Variants in XRCC5 observed in about 807,000 individuals in gnomAD.
XRCC5 encodes DNA repair protein Ku80.
XRCC5 carries 12 observed loss-of-function variants against 95.7 expected under a neutral mutation model. The observed-to-expected ratio is 0.13, with a 90% CI of 0.08 to 0.20. XRCC5 has a LOEUF of 0.20. Ranked by LOEUF, XRCC5 falls within the 10% of genes least tolerant of loss-of-function variation. The probability of loss-of-function intolerance (pLI) is 1.00; values close to 1 mark genes in which losing one functional copy is unlikely to be tolerated. For synonymous variants in XRCC5, 281 were observed against 290.3 expected (o/e 0.97, Z 0.33); for missense variants, 595 against 873.9 (o/e 0.68, Z 4.02).
At chr2:216,119,007 A>C (rs1429086801) in intron 4 of XRCC5, 36 bp from the exon 5 acceptor site, 6 of 1,602,238 alleles carry the variant, frequency 3.7e-6, no homozygotes, top group Non-Finnish European at 5.1e-6. Context: ...ATAATTCAGG[A>C]GAATGATTTC....
In XRCC5 at chr2:216,205,395, C is replaced by G. The variant is rs1689925547; in HGVS notation, c.*193C>G. The G allele has an allele frequency of 1.6e-6, 1 of 608,690 alleles. No individual in the cohort carries two copies. Among genetic ancestry groups the G allele is most frequent in the East Asian group, 2.7e-5 (1 of 36,478 alleles). 37.7% of individuals were successfully genotyped at this position (608,690 alleles called of 1,614,324 possible). ...ATATATTACAAGGGATAATTTAGAC[C>G]CCATACAAGTTTATAAAGAGTCATT... On this transcript the variant is annotated 3_prime_UTR_variant, in exon 21 of 21. Coordinates refer to ENST00000392132, the MANE Select transcript of XRCC5 (RefSeq NM_021141.4).
At chr2:216,174,166 T>A (rs935232712) in intron 16 of XRCC5, among the ~76,000 whole-genome samples, 4 of 152,212 alleles carry the variant, frequency 2.6e-5, no homozygotes, top group African/African-American at 9.6e-5. Context: ...TTTTGTTTTG[T>A]TTTTTGAATT....
chr2:216,109,575 G>C (rs1260810128), intron 1 of XRCC5, 118 bp downstream of exon 1: 2 of 1,456,636 alleles, frequency 1.4e-6, no homozygotes, highest in South Asian at 1.2e-5. Context: ...AGAAGATCAT[G>C]GTGGTGGGCT....
At chr2:216,188,858 A>G (rs1689558797) in intron 16 of XRCC5, among the ~76,000 whole-genome samples, 1 of 152,236 alleles carries the variant, frequency 6.6e-6, no homozygotes, top group Non-Finnish European at 1.5e-5. Context: ...ATACGTTGGT[A>G]AAGATTTTTG....
intron 2 of XRCC5, among the ~76,000 whole-genome samples, chr2:216,115,586 A>G (rs1304744224): frequency 2.0e-5 from 3 of 152,228 alleles, no homozygotes; most frequent in East Asian, 1.9e-4. Flanking sequence ...ACAAAAATGA[A>G]GAATGACAGA....
intron 13 of XRCC5, among the ~76,000 whole-genome samples, chr2:216,145,476 T>C (rs1688611057): frequency 6.6e-6 from 1 of 152,216 alleles, no homozygotes; most frequent in African/African-American, 2.4e-5. Context: ...TCTAATCTTT[T>C]TCAAATTGTA....
intron 13 of XRCC5, among the ~76,000 whole-genome samples, chr2:216,145,297 ATAAT>A (rs1031806463): frequency 9.2e-5 from 14 of 152,218 alleles, no homozygotes; most frequent in Non-Finnish European, 4.4e-5. Flanking sequence ...AGAGAGATTA[ATAAT>A]TAATTTGTTA....
intron 13 of XRCC5, 135 bp downstream of exon 13, chr2:216,141,454 A>ATTCTTCCAT: frequency 4.1e-6 from 3 of 731,208 alleles, no homozygotes; most frequent in Non-Finnish European, 4.1e-6. Flanking sequence ...TAATGGAAGA[A>ATTCTTCCAT]TAACATCTTC....
intron 16 of XRCC5, among the ~76,000 whole-genome samples, chr2:216,168,316 G>A (rs554016652): frequency 1.3e-5 from 2 of 152,198 alleles, no homozygotes; most frequent in South Asian, 4.2e-4. Flanking sequence ...TACTGGTTGT[G>A]TATATTTCAT....
Position 216,187,861 on chromosome 2 carries a change from T to TCTCTCTCTCTC in XRCC5, c.1835-2363_1835-2362insTCTCTCTCTCC, listed in dbSNP as rs143232624. Among the ~76,000 whole-genome samples, 28 of 116,286 alleles carry TCTCTCTCTCTC rather than the reference T, an allele frequency of 2.4e-4. 1 individual carries two copies. Among genetic ancestry groups the TCTCTCTCTCTC allele is most frequent in the African/African-American group, 1.1e-3 (27 of 23,916 alleles). The allele number at this position is 116,286 out of a possible 152,430, so 76.3% of individuals were successfully genotyped here. A position where few individuals can be genotyped will look rare whatever the true frequency, so the allele number is the denominator to read the frequency against. ...CTCTCTCTCTCTCTCTCTCTCTCTCTCCCCGTCTCCCTGTCTCTCCCTCTC... is the reference window on the plus strand; with the variant it reads ...CTCTCTCTCTCTCTCTCTCTCTCTCTCTCTCTCTCTCCCCCGTCTCCCTGTCTCTCCCTCTC... On this transcript the variant is annotated intron_variant, in intron 16 of 20. Transcript: ENST00000392132.
intron 3 of XRCC5, chr2:216,117,459 G>A: frequency 2.6e-6 from 1 of 382,700 alleles, no homozygotes; most frequent in South Asian, 5.3e-5. Flanking sequence ...CACCAAGAAT[G>A]GGTTCTAGAT....
chr2:216,132,832 G>T (rs1697016659), intron 10 of XRCC5, among the ~76,000 whole-genome samples: 1 of 152,064 alleles, frequency 6.6e-6, no homozygotes, highest in African/African-American at 2.4e-5. Flanking sequence ...TTTTTCTCTA[G>T]CTAACAGCCT....
chr2:216,138,320 A>G (rs1697122033), intron 12 of XRCC5, 141 bp downstream of exon 12: 2 of 726,038 alleles, frequency 2.8e-6, no homozygotes, highest in Non-Finnish European at 4.6e-6. Context: ...AGACACAGTA[A>G]TGATGAAGGT....
intron 19 of XRCC5, among the ~76,000 whole-genome samples, chr2:216,201,561 G>A (rs140173174): frequency 3.0e-4 from 45 of 152,318 alleles, no homozygotes; most frequent in African/African-American, 9.6e-4. Context: ...CAGGTAAGGA[G>A]GCACTTTTAT....
chr2:216,113,242 G>T (rs1331381303), intron 2 of XRCC5, 113 bp downstream of exon 2: 1 of 806,516 alleles, frequency 1.2e-6, no homozygotes, highest in East Asian at 2.7e-5. Flanking sequence ...CTGTTTGGGG[G>T]GATTCTGGGG....
chr2:216,112,846 C>T (rs1250527886), intron 1 of XRCC5, among the ~76,000 whole-genome samples, 170 bp from the exon 2 acceptor site: 1 of 152,186 alleles, frequency 6.6e-6, no homozygotes, highest in Non-Finnish European at 1.5e-5. Flanking sequence ...TAAGGGTTTT[C>T]CATAGTGAAA....
chr2:216,199,810 CTTTT>C (rs375975027), intron 19 of XRCC5, among the ~76,000 whole-genome samples: 19 of 120,248 alleles, frequency 1.6e-4, no homozygotes, highest in African/African-American at 5.6e-4. Flanking sequence ...GCATTGGGAT[CTTTT>C]TTTTTTTTTT....
chr2:216,176,127 C>CT (rs202152493), intron 16 of XRCC5: 2,553 of 169,436 alleles, frequency 0.015, 26 homozygotes, highest in Non-Finnish European at 0.023. Context: ...CAATTTTTTT[C>CT]TTTTTTTTGG....
chr2:216,155,807 T>G (rs1688831194), intron 14 of XRCC5, among the ~76,000 whole-genome samples: 1 of 152,158 alleles, frequency 6.6e-6, no homozygotes, highest in African/African-American at 2.4e-5. Context: ...ATGTATCTGA[T>G]ATATCGGTGG....
Sources: gnomAD v4.1 joint callset for allele counts (sites outside exome capture counted in the v4.1 genomes callset) on GRCh38, gnomAD v4.1.1 for gene constraint, MANE v1.5 for transcripts, NCBI Gene and HGNC (gene_info 2026-07-23, HGNC 2026-07-21) for gene names.